The following IKZF2 variants were observed in gnomAD, a reference collection of about 807,000 sequenced individuals.
IKZF2 encodes the protein zinc finger protein Helios.
Under a neutral mutation model 49.2 loss-of-function variants are expected in IKZF2, and 15 were observed. The observed-to-expected ratio is 0.30, with a 90% confidence interval of 0.20 to 0.47. The LOEUF is 0.47. Among genes scored for constraint, IKZF2 ranks in the 20% least tolerant of loss-of-function variants. The pLI is 1.00. For missense variants in IKZF2, 567 were observed against 664.6 expected (o/e 0.85, Z 1.61); for synonymous variants, 227 against 221.4 (o/e 1.03, Z -0.23).
chr2:213,013,694 G>A (rs1696237614), intron 8 of IKZF2, 97 bp downstream of exon 8: 1 of 1,124,106 alleles, frequency 8.9e-7, no homozygotes, highest in African/African-American at 1.6e-5. Flanking sequence ...TTTATTTCAT[G>A]AACTGAAACA....
intron 4 of IKZF2, among the ~76,000 whole-genome samples, chr2:213,097,593 G>A (rs1706162009): frequency 6.6e-6 from 1 of 152,006 alleles, no homozygotes; most frequent in Admixed American, 6.6e-5. Flanking sequence ...GAGATTCTAT[G>A]ACTTACAAAA....
chr2:213,123,261 G>T (rs2060116346), intron 4 of IKZF2, among the ~76,000 whole-genome samples: 1 of 152,142 alleles, frequency 6.6e-6, no homozygotes, highest in South Asian at 2.1e-4. Flanking sequence ...CTTCATGTGA[G>T]TTTTGTAACA....
chr2:213,111,657 G>A (rs2059707303), intron 4 of IKZF2, among the ~76,000 whole-genome samples: 1 of 152,012 alleles, frequency 6.6e-6, no homozygotes, highest in African/African-American at 2.4e-5. Context: ...TGAAATTACT[G>A]AGCATGCGTA....
At chr2:213,047,846 G>A (rs147803868) in intron 6 of IKZF2, among the ~76,000 whole-genome samples, 208 of 151,914 alleles carry the variant, frequency 1.4e-3, no homozygotes, top group Middle Eastern at 3.4e-3. Flanking sequence ...CAGGACCACC[G>A]AAGACTCAGA....
intron 4 of IKZF2, among the ~76,000 whole-genome samples, chr2:213,146,120 C>T (rs113463042): frequency 0.03 from 4,624 of 152,170 alleles, 245 homozygotes; most frequent in African/African-American, 0.11. Context: ...CTACCCTATA[C>T]ATGCAATGTT....
intron 4 of IKZF2, among the ~76,000 whole-genome samples, chr2:213,145,691 T>C (rs2061032702): frequency 2.0e-5 from 3 of 152,042 alleles, no homozygotes; most frequent in South Asian, 2.1e-4. Context: ...GTAACCTAGA[T>C]ACTGTAAATA....
At chr2:213,133,695 G>A (rs921006305) in intron 4 of IKZF2, among the ~76,000 whole-genome samples, 27 of 99,824 alleles carry the variant, frequency 2.7e-4, no homozygotes, top group East Asian at 2.1e-4. Context: ...GATAGACTCC[G>A]TCTCGAAAAA....
At chr2:213,103,887 T>C (rs569565156) in intron 4 of IKZF2, among the ~76,000 whole-genome samples, 5 of 152,298 alleles carry the variant, frequency 3.3e-5, no homozygotes, top group East Asian at 3.9e-4. Context: ...AAAAGGACTT[T>C]GAATTTGCTA....
intron 4 of IKZF2, among the ~76,000 whole-genome samples, chr2:213,094,134 G>A (rs1457966696): frequency 1.3e-5 from 2 of 152,100 alleles, no homozygotes; most frequent in Non-Finnish European, 2.9e-5. Flanking sequence ...TGGATTAACA[G>A]GTTAAGCAGA....
At chr2:213,020,623 A>C (rs2125101293) in intron 7 of IKZF2, among the ~76,000 whole-genome samples, 1 of 152,332 alleles carries the variant, frequency 6.6e-6, no homozygotes, top group African/African-American at 2.4e-5. Flanking sequence ...GGACTTGATC[A>C]CAAATCAATA....
chr2:213,088,715 G>A (rs768431675), intron 4 of IKZF2, among the ~76,000 whole-genome samples: 3 of 152,158 alleles, frequency 2.0e-5, no homozygotes, highest in South Asian at 2.1e-4. Flanking sequence ...CCAAGATTGC[G>A]CCACTGCACT....
At chr2:213,097,622 A>T (rs544718268) in intron 4 of IKZF2, among the ~76,000 whole-genome samples, 1 of 152,030 alleles carries the variant, frequency 6.6e-6, no homozygotes, top group East Asian at 1.9e-4. Flanking sequence ...AACTTAATTA[A>T]TAACTCTTTA....
At chr2:213,132,712 T>C (rs150359648) in intron 4 of IKZF2, among the ~76,000 whole-genome samples, 151 of 152,162 alleles carry the variant, frequency 9.9e-4, no homozygotes, top group African/African-American at 3.5e-3. Context: ...CCTAGGGAGG[T>C]ACACCAAGCA....
At chr2:213,127,105 A>T (rs1205524741) in intron 4 of IKZF2, among the ~76,000 whole-genome samples, 1 of 152,228 alleles carries the variant, frequency 6.6e-6, no homozygotes, top group African/African-American at 2.4e-5. Context: ...TGTAACAGCC[A>T]CAGCATACAC....
At chr2:213,124,445 T>C (rs2060189670) in intron 4 of IKZF2, among the ~76,000 whole-genome samples, 1 of 152,204 alleles carries the variant, frequency 6.6e-6, no homozygotes, top group Admixed American at 6.5e-5. Flanking sequence ...CTAGGGATTA[T>C]CTTTAGGTCA....
At chr2:213,110,326 A>G (rs1402656518) in intron 4 of IKZF2, among the ~76,000 whole-genome samples, 1 of 151,778 alleles carries the variant, frequency 6.6e-6, no homozygotes, top group Non-Finnish European at 1.5e-5. Flanking sequence ...CTCTATCTAT[A>G]CACTCCCAAA....
At chr2:213,045,404 C>T (rs768395489) in intron 6 of IKZF2, among the ~76,000 whole-genome samples, 12 of 152,126 alleles carry the variant, frequency 7.9e-5, no homozygotes, top group Non-Finnish European at 1.6e-4. Context: ...CAAAGATAAT[C>T]AGAAGCAGTT....
intron 6 of IKZF2, among the ~76,000 whole-genome samples, chr2:213,031,467 CT>C (rs1698428980): frequency 6.6e-6 from 1 of 152,108 alleles, no homozygotes; most frequent in Admixed American, 6.5e-5. Flanking sequence ...AAGAAAACTG[CT>C]TTTTATTGTT....
intron 4 of IKZF2, among the ~76,000 whole-genome samples, chr2:213,098,783 G>C (rs1706308796): frequency 6.6e-6 from 1 of 152,132 alleles, no homozygotes; most frequent in African/African-American, 2.4e-5. Context: ...GATTGGCTCA[G>C]CTGCTCCAGT....
Sources: allele counts gnomAD v4.1 joint callset (sites outside exome capture counted in the v4.1 genomes callset), GRCh38; gene constraint gnomAD v4.1.1; transcripts MANE v1.5; gene names NCBI Gene and HGNC (gene_info 2026-07-23, HGNC 2026-07-21).